The following THSD7A variants were observed in gnomAD, a reference collection of about 807,000 sequenced individuals.
THSD7A encodes the protein thrombospondin type 1 domain containing 7A.
A neutral mutation model predicts 231.3 loss-of-function variants in THSD7A; 96 were observed. The observed-to-expected ratio is 0.41, with a 90% CI of 0.35 to 0.49. The LOEUF (loss-of-function observed/expected upper bound fraction) is 0.49, where lower values mean the gene tolerates loss of function less well. Among genes scored for constraint, THSD7A ranks in the 20% least tolerant of loss-of-function variants. THSD7A has a pLI of 0.05. For synonymous variants in THSD7A, 940 were observed against 743.3 expected (o/e 1.26, Z -4.30); for missense variants, 2,290 against 2,070.2 (o/e 1.11, Z -2.06).
At chr7:11,733,390 T>G (rs1781802620) in intron 1 of THSD7A, among the ~76,000 whole-genome samples, 1 of 151,940 alleles carries the variant, frequency 6.6e-6, no homozygotes, top group Non-Finnish European at 1.5e-5. Context: ...CATTTAATGT[T>G]AAAAATCCAG....
At chr7:11,607,760 C>T (rs965087591) in intron 2 of THSD7A, among the ~76,000 whole-genome samples, 1 of 152,076 alleles carries the variant, frequency 6.6e-6, no homozygotes, top group Non-Finnish European at 1.5e-5. Context: ...AAAATGCACT[C>T]ATGTTAAAGC....
chr7:11,407,240 C>T, intron 20 of THSD7A, 66 bp downstream of exon 20: 1 of 1,466,700 alleles, frequency 6.8e-7, no homozygotes, highest in South Asian at 1.2e-5. Flanking sequence ...TGGGTTAAAG[C>T]AAGAGGGATA....
At chr7:11,589,634 T>C (rs1780073403) in intron 4 of THSD7A, among the ~76,000 whole-genome samples, 1 of 152,172 alleles carries the variant, frequency 6.6e-6, no homozygotes, top group Non-Finnish European at 1.5e-5. Flanking sequence ...CTTAAACAAA[T>C]TGTATATGTT....
chr7:11,628,549 A>G (rs1462485548), intron 2 of THSD7A, among the ~76,000 whole-genome samples: 2 of 146,236 alleles, frequency 1.4e-5, no homozygotes, highest in Non-Finnish European at 2.9e-5. Context: ...ATCTGCACGC[A>G]CTTTCTCTCT....
At chr7:11,813,563 A>G (rs1583311888) in intron 1 of THSD7A, among the ~76,000 whole-genome samples, 1 of 151,936 alleles carries the variant, frequency 6.6e-6, no homozygotes, top group South Asian at 2.1e-4. Context: ...ATTACAAAAA[A>G]TTAACTGGGC....
At chr7:11,417,391 AG>A (rs1272284733) in intron 17 of THSD7A, 58 bp downstream of exon 17, 1 of 1,424,918 alleles carries the variant, frequency 7.0e-7, no homozygotes, top group Admixed American at 2.8e-5. Context: ...ATGTCTTTAA[AG>A]CTTCAGTGGC....
intron 1 of THSD7A, among the ~76,000 whole-genome samples, chr7:11,750,946 G>C (rs1782479942): frequency 6.6e-6 from 1 of 151,940 alleles, no homozygotes; most frequent in Non-Finnish European, 1.5e-5. Context: ...TAAGGGGTAA[G>C]ACAAGGGCAT....
chr7:11,548,855 A>AAT (rs1475422783), intron 4 of THSD7A, among the ~76,000 whole-genome samples: 1 of 151,826 alleles, frequency 6.6e-6, no homozygotes, highest in Non-Finnish European at 1.5e-5. Flanking sequence ...TACCTAAAAA[A>AAT]AAAAGCCATC....
rs571867253 is a variant in THSD7A at position 11,671,357 on chromosome 7, T to C, written c.191-34396A>G. On this transcript the variant is annotated intron_variant, in intron 1 of 27. Coordinates refer to ENST00000423059, the MANE Select transcript of THSD7A (RefSeq NM_015204.3). ...CAGTCCCAGGCACAATTCAGAACTA[T>C]AAACTGCTTATTAGTAATAATCAAA... 1.2e-4 allele frequency among the ~76,000 whole-genome samples: 19 copies of C among 152,306 alleles called. No homozygotes were observed. In the South Asian group the frequency reaches 2.7e-3, roughly 22 times the overall value.
intron 9 of THSD7A, among the ~76,000 whole-genome samples, chr7:11,463,399 C>G (rs573769524): frequency 2.0e-5 from 3 of 152,008 alleles, no homozygotes; most frequent in Non-Finnish European, 2.9e-5. Flanking sequence ...AATTTCTGGG[C>G]CTATACCCAG....
intron 1 of THSD7A, among the ~76,000 whole-genome samples, chr7:11,692,241 T>A (rs1395221351): frequency 6.6e-6 from 1 of 151,524 alleles, no homozygotes; most frequent in Non-Finnish European, 1.5e-5. Context: ...ATAATTACAG[T>A]CCTAACAGAA....
At chr7:11,543,576 G>A (rs1043637570) in intron 4 of THSD7A, among the ~76,000 whole-genome samples, 6 of 152,100 alleles carry the variant, frequency 3.9e-5, no homozygotes, top group Non-Finnish European at 7.4e-5. Flanking sequence ...CATCTCTTTT[G>A]GTTCACCGGG....
chr7:11,624,990 A>G (rs958029696), intron 2 of THSD7A, among the ~76,000 whole-genome samples: 1 of 152,082 alleles, frequency 6.6e-6, no homozygotes, highest in Admixed American at 6.5e-5. Context: ...TTACAAACCA[A>G]AATGTATCAG....
At chr7:11,726,768 T>C (rs1045001698) in intron 1 of THSD7A, among the ~76,000 whole-genome samples, 1 of 152,000 alleles carries the variant, frequency 6.6e-6, no homozygotes, top group Non-Finnish European at 1.5e-5. Context: ...ATTAACTGTT[T>C]CCCACTTACA....
chr7:11,751,125 T>G (rs1390110320), intron 1 of THSD7A: 1 of 152,048 alleles, frequency 6.6e-6, no homozygotes, highest in Admixed American at 6.6e-5. Flanking sequence ...CCAACACCCA[T>G]GTCTTTCTTA....
intron 1 of THSD7A, among the ~76,000 whole-genome samples, chr7:11,818,556 G>C (rs542730335): frequency 1.3e-5 from 2 of 152,254 alleles, no homozygotes; most frequent in East Asian, 3.9e-4. Context: ...CAGCACAGTG[G>C]ACCTTCACTG....
intron 6 of THSD7A, among the ~76,000 whole-genome samples, chr7:11,518,685 C>T (rs575628751): frequency 3.9e-4 from 60 of 152,102 alleles, no homozygotes; most frequent in African/African-American, 1.4e-3. Context: ...AAAGTATTTG[C>T]TATGCATGTG....
At chr7:11,623,793 C>A (rs144606415) in intron 2 of THSD7A, among the ~76,000 whole-genome samples, 1 of 152,224 alleles carries the variant, frequency 6.6e-6, no homozygotes, top group East Asian at 1.9e-4. Flanking sequence ...TTGTTAGTAT[C>A]ATGAAAGGTT....
rs765244079 is a variant in THSD7A at position 11,406,874 on chromosome 7, G to T, written c.4062+36C>A. 6.2e-7 allele frequency: 1 copy of T among 1,611,664 alleles called. No homozygotes were observed. The highest frequency in any genetic ancestry group is 1.1e-5 in the South Asian group (1 of 90,798). ...TGCAGATGAAGTCTCTGCAGATAGA[G>T]TACACACTTCCTGACAACTTCTTGA... On this transcript the variant is annotated intron_variant, in intron 21 of 27. Transcript: ENST00000423059. This position sits in a 1 kb window ranked among gnomAD's most constrained non-coding sequence, Gnocchi z 4.7.
Sources: gnomAD v4.1 joint callset for allele counts (sites outside exome capture counted in the v4.1 genomes callset) on GRCh38, gnomAD v4.1.1 for gene constraint, Gnocchi (gnomAD v3.1) non-coding constraint, MANE v1.5 for transcripts, NCBI Gene and HGNC (gene_info 2026-07-23, HGNC 2026-07-21) for gene names.